The following GPR137C variants were observed in gnomAD, a reference collection of about 807,000 sequenced individuals.
GPR137C encodes the protein integral membrane protein GPR137C.
GPR137C carries 27 observed loss-of-function variants against 43.4 expected under a neutral mutation model. The ratio of observed to expected loss-of-function variants is 0.62; its 90% CI spans 0.46 to 0.86. GPR137C has a LOEUF of 0.86. GPR137C is among the 40% of genes least tolerant of loss of function. The pLI is 0.00. For synonymous variants in GPR137C, 285 were observed against 226.9 expected, an observed-to-expected ratio of 1.26 and a Z score of -2.30; for missense variants, 522 against 534.6, an observed-to-expected ratio of 0.98 and a Z score of 0.23.
chr14:52,556,078 T>C (rs1040847857), intron 1 of GPR137C, among the ~76,000 whole-genome samples: 3 of 151,926 alleles, frequency 2.0e-5, no homozygotes, highest in African/African-American at 7.3e-5. Context: ...GTGATAAATA[T>C]AAGACTTAAC....
At chr14:52,557,488 G>A (rs1450752215) in intron 1 of GPR137C, among the ~76,000 whole-genome samples, 1 of 152,156 alleles carries the variant, frequency 6.6e-6, no homozygotes, top group South Asian at 2.1e-4. Flanking sequence ...CATATCCTGA[G>A]TCAGTTACTG....
At chr14:52,629,757 CAT>C (rs771911059) in intron 3 of GPR137C, among the ~76,000 whole-genome samples, 154 of 152,236 alleles carry the variant, frequency 1.0e-3, no homozygotes, top group Non-Finnish European at 1.8e-3. Flanking sequence ...ATTTGGGTTA[CAT>C]GTGTGTATAC....
At chr14:52,564,224 G>A (rs956966445) in intron 1 of GPR137C, among the ~76,000 whole-genome samples, 7 of 142,046 alleles carry the variant, frequency 4.9e-5, no homozygotes, top group Non-Finnish European at 8.9e-5. Flanking sequence ...GCAGTGAGCC[G>A]AGATCGCATC....
intron 1 of GPR137C, among the ~76,000 whole-genome samples, chr14:52,583,728 A>G (rs1236136242): frequency 6.6e-6 from 1 of 152,130 alleles, no homozygotes; most frequent in Non-Finnish European, 1.5e-5. Context: ...CATTGGCTGT[A>G]ATAATAACTT....
rs760894529 is a variant in GPR137C, at chr14:52,553,364, C to T, written c.217C>T (p.Leu73=). The part of the protein sequence containing the change: ...FAYLQLWRLL[L]YRERRLSYQS... Reference sequence around the variant, plus strand: ...CTACCTGCAGCTGTGGCGGCTGCTCCTGTACCGCGAGCGGCGGCTGAGTTA... The same window carrying T: ...CTACCTGCAGCTGTGGCGGCTGCTCTTGTACCGCGAGCGGCGGCTGAGTTA... Residue 73 remains leucine (L), a synonymous_variant, in exon 1 of 7, where the codon CTG becomes TTG. Coordinates refer to ENST00000321662, the MANE Select transcript of GPR137C (RefSeq NM_001099652.2). 5 of 1,604,286 alleles carry T rather than the reference C, an allele frequency of 3.1e-6. No homozygotes were observed. The highest frequency in any genetic ancestry group is 4.2e-6 in the Non-Finnish European group (5 of 1,179,062).
intron 3 of GPR137C, among the ~76,000 whole-genome samples, chr14:52,609,042 A>G (rs545195532): frequency 3.0e-4 from 46 of 152,226 alleles, no homozygotes; most frequent in African/African-American, 1.0e-3. Context: ...TCAGTTCCCT[A>G]CCTAACTCCA....
intron 1 of GPR137C, among the ~76,000 whole-genome samples, 189 bp from the exon 2 acceptor site, chr14:52,598,083 G>A (rs1184511931): frequency 6.6e-6 from 1 of 152,134 alleles, no homozygotes; most frequent in Non-Finnish European, 1.5e-5. Context: ...AACAAAGAAA[G>A]TTATTGATTT....
intron 6 of GPR137C, 44 bp downstream of exon 6, chr14:52,633,990 G>T: frequency 8.5e-7 from 1 of 1,173,490 alleles, no homozygotes; most frequent in South Asian, 1.3e-5. Context: ...TATTGAAATT[G>T]ATTGAAAAAA....
At chr14:52,606,917 G>A (rs559329752) in intron 3 of GPR137C, among the ~76,000 whole-genome samples, 17 of 151,924 alleles carry the variant, frequency 1.1e-4, no homozygotes, top group Non-Finnish European at 2.2e-4. Flanking sequence ...TTTTGATGGA[G>A]GCATTTACTT....
At chr14:52,588,786 A>C (rs1048071883) in intron 1 of GPR137C, among the ~76,000 whole-genome samples, 1 of 152,216 alleles carries the variant, frequency 6.6e-6, no homozygotes, top group Non-Finnish European at 1.5e-5. Flanking sequence ...GATAGTATAC[A>C]TATTCAGTTT....
chr14:52,595,613 T>A (rs775776471), intron 1 of GPR137C, among the ~76,000 whole-genome samples: 1 of 152,218 alleles, frequency 6.6e-6, no homozygotes, highest in Non-Finnish European at 1.5e-5. Flanking sequence ...TTGAATCGGC[T>A]ATTGAAGCTT....
intron 1 of GPR137C, among the ~76,000 whole-genome samples, chr14:52,594,045 G>A (rs143487772): frequency 2.5e-4 from 38 of 152,218 alleles, no homozygotes; most frequent in Admixed American, 7.8e-4. Context: ...GTTCTCATTG[G>A]TTTCAAAGAA....
chr14:52,606,806 C>A (rs985188806), intron 3 of GPR137C, among the ~76,000 whole-genome samples: 4 of 151,640 alleles, frequency 2.6e-5, no homozygotes, highest in Non-Finnish European at 5.9e-5. Context: ...CTGCTTTAAT[C>A]TTCATTATTT....
intron 3 of GPR137C, chr14:52,612,330 G>C: frequency 1.1e-6 from 1 of 894,532 alleles, no homozygotes; most frequent in Non-Finnish European, 1.3e-6. Context: ...TATTTTTAAG[G>C]CTGCATAACA....
chr14:52,613,898 G>A (rs1566621820), intron 3 of GPR137C, among the ~76,000 whole-genome samples: 1 of 152,118 alleles, frequency 6.6e-6, no homozygotes, highest in African/African-American at 2.4e-5. Flanking sequence ...TTGTATGGTA[G>A]CTCTGTTTTT....
chr14:52,632,335 T>C, intron 4 of GPR137C, 26 bp downstream of exon 4: 1 of 1,550,828 alleles, frequency 6.4e-7, no homozygotes, highest in Non-Finnish European at 8.8e-7. Flanking sequence ...GTATTGCCAG[T>C]CTAACAATGT....
chr14:52,614,128 T>C (rs1442696863), intron 3 of GPR137C, among the ~76,000 whole-genome samples: 2 of 151,932 alleles, frequency 1.3e-5, no homozygotes, highest in Non-Finnish European at 2.9e-5. Flanking sequence ...TTTTTCTTTT[T>C]TTTTTTTTTG....
Position 52,598,307 on chromosome 14 carries a change from C to G in GPR137C, c.480C>G (p.Asp160Glu). 7.2e-7 allele frequency: 1 copy of G among 1,382,792 alleles called. No individual in the cohort carries two copies. Among genetic ancestry groups the G allele is most frequent in the South Asian group, 1.4e-5 (1 of 72,136 alleles). The allele number at this position is 1,382,792 out of a possible 1,614,324, so 85.7% of individuals were successfully genotyped here. ...ICKVRCATEL[D>E]RHKILLHLGF... ...AAGTCAGATGTGCCACTGAACTTGA[C>G]AGACACAAGTAAGTTTTATGAGTAT... Residue 160 changes from aspartate to glutamate, a missense_variant, in exon 2 of 7, where the codon GAC becomes GAG. Coordinates refer to ENST00000321662, the MANE Select transcript of GPR137C (RefSeq NM_001099652.2).
At chr14:52,584,319 G>A (rs2038685334) in intron 1 of GPR137C, among the ~76,000 whole-genome samples, 1 of 152,188 alleles carries the variant, frequency 6.6e-6, no homozygotes, top group Admixed American at 6.5e-5. Context: ...GGGAGGTTGA[G>A]GCAAGGGGAA....
Sources: allele counts gnomAD v4.1 joint callset (sites outside exome capture counted in the v4.1 genomes callset), GRCh38; gene constraint gnomAD v4.1.1; transcripts MANE v1.5; gene names NCBI Gene and HGNC (gene_info 2026-07-23, HGNC 2026-07-21).